DOCK3: variants seen among roughly 807,000 people sequenced by gnomAD.
DOCK3 encodes the protein dedicator of cytokinesis 3.
In DOCK3, 60 loss-of-function variants were observed where a neutral mutation model predicts 265.6. The ratio of observed to expected loss-of-function variants is 0.23; its 90% CI spans 0.18 to 0.28. DOCK3 has a LOEUF of 0.28. Among genes scored for constraint, DOCK3 ranks in the 10% least tolerant of loss-of-function variants. The pLI, the probability that DOCK3 is intolerant of heterozygous loss-of-function variation, is 1.00. For missense variants in DOCK3, 1,981 were observed against 2,594.3 expected, an observed-to-expected ratio of 0.76 and a Z score of 5.14; for synonymous variants, 881 against 938.0, an observed-to-expected ratio of 0.94 and a Z score of 1.11.
chr3:50,877,360 A>G (rs2047754275), intron 3 of DOCK3: 3 of 499,824 alleles, frequency 6.0e-6, no homozygotes, highest in East Asian at 5.5e-5. Context: ...TTGTACTAGT[A>G]TCTTCATCAT....
chr3:51,026,239 G>GT (rs1025505699), intron 5 of DOCK3, among the ~76,000 whole-genome samples: 130 of 151,196 alleles, frequency 8.6e-4, no homozygotes, highest in African/African-American at 2.7e-3. Context: ...ATGGTCATAT[G>GT]TTTTTTTTTG....
At chr3:51,089,325 T>A in intron 8 of DOCK3, 41 bp downstream of exon 8, 1 of 1,589,588 alleles carries the variant, frequency 6.3e-7, no homozygotes, top group Non-Finnish European at 8.6e-7. Context: ...TCCCCTCAAC[T>A]TTTTCTGTTA....
At chr3:51,159,032 A>G (rs1022010514) in intron 10 of DOCK3, among the ~76,000 whole-genome samples, 4 of 152,238 alleles carry the variant, frequency 2.6e-5, no homozygotes, top group Non-Finnish European at 5.9e-5. Flanking sequence ...TGAGAGCTGG[A>G]AAAATGTTGT....
Position 51,228,758 on chromosome 3 carries a change from T to C in DOCK3, c.1745T>C (p.Leu582Pro), listed in dbSNP as rs748067028. 6 of 1,613,868 alleles carry C rather than the reference T, an allele frequency of 3.7e-6. No individual in the cohort carries two copies. In the African/African-American group the frequency reaches 8.0e-5, roughly 22 times the overall value. Residue 582 changes from leucine (L) to proline (P), a missense_variant, in exon 18 of 53, where the codon CTC becomes CCC. This residue lies in a region of DOCK3 where 1,357 missense variants were observed against 1,866.8 expected (regional missense o/e 0.73). Transcript: ENST00000266037. The part of the protein sequence containing the change: ...YNGCPNIPSS[L>P]IFQRSTKESF... ...GGCTGCCCTAATATTCCTTCTAGCCTCATCTTCCAGCGCAGCACCAAAGAG... is the reference window on the plus strand; with the variant it reads ...GGCTGCCCTAATATTCCTTCTAGCCCCATCTTCCAGCGCAGCACCAAAGAG...
At chr3:51,006,426 T>C (rs2078681183) in intron 5 of DOCK3, among the ~76,000 whole-genome samples, 1 of 152,188 alleles carries the variant, frequency 6.6e-6, no homozygotes, top group Non-Finnish European at 1.5e-5. Context: ...GTAGATCCCA[T>C]TGATACTTCA....
chr3:50,990,581 A>G (rs1204078378), intron 5 of DOCK3, among the ~76,000 whole-genome samples: 1 of 152,170 alleles, frequency 6.6e-6, no homozygotes, highest in African/African-American at 2.4e-5. Flanking sequence ...GAGGGACAAA[A>G]CTAATGGGAT....
chr3:50,719,933 G>A (rs559878602), intron 1 of DOCK3: 28 of 527,594 alleles, frequency 5.3e-5, no homozygotes, highest in Middle Eastern at 5.6e-4. Flanking sequence ...GCCCAAGGGC[G>A]TACCGTCCAC....
At chr3:51,108,477 A>G (rs1466284883) in intron 9 of DOCK3, among the ~76,000 whole-genome samples, 1 of 152,200 alleles carries the variant, frequency 6.6e-6, no homozygotes, top group Non-Finnish European at 1.5e-5. Flanking sequence ...AAGCAGCCAC[A>G]CAAGTTAGCA....
chr3:50,838,250 A>G (rs1439126579), intron 2 of DOCK3, among the ~76,000 whole-genome samples: 2 of 152,110 alleles, frequency 1.3e-5, no homozygotes. Context: ...CCAATAGAGA[A>G]CTTTTGGAGG....
chr3:50,959,156 G>C (rs1209051035), intron 5 of DOCK3, among the ~76,000 whole-genome samples: 1 of 152,078 alleles, frequency 6.6e-6, no homozygotes, highest in Non-Finnish European at 1.5e-5. Context: ...GTAATATACT[G>C]TGCAGACTTT....
chr3:51,365,407 A>T (rs2087069726), intron 49 of DOCK3, among the ~76,000 whole-genome samples: 1 of 152,216 alleles, frequency 6.6e-6, no homozygotes, highest in African/African-American at 2.4e-5. Flanking sequence ...GGGGTTTTCT[A>T]AATATACAAT....
At chr3:50,827,102 C>G (rs2044803711) in intron 2 of DOCK3, among the ~76,000 whole-genome samples, 2 of 152,114 alleles carry the variant, frequency 1.3e-5, no homozygotes, top group South Asian at 4.1e-4. Context: ...AACAAGCATT[C>G]AACTACAGGA....
rs564217504 is a variant in DOCK3 at position 51,275,354 on chromosome 3, G to A, written c.2676+148G>A. The stretch of plus-strand genomic sequence containing the variant: ...ACAGGAAGGTGCCCAAGTGAATGGA[G>A]CCCTGTGTGTTCCCAGCAGGTTTGT... On this transcript the variant is annotated intron_variant, in intron 25 of 52. Transcript: ENST00000266037. 4.2e-4 allele frequency: 518 copies of A among 1,232,362 alleles called. 7 individuals carry two copies. In the South Asian group the frequency reaches 7.0e-3, roughly 17 times the overall value. 76.3% of individuals were successfully genotyped at this position (1,232,362 alleles called of 1,614,324 possible). A position where few individuals can be genotyped will look rare whatever the true frequency, so the allele number is the denominator to read the frequency against.
chr3:51,248,994 G>T (rs1244561773), intron 22 of DOCK3, among the ~76,000 whole-genome samples: 1 of 147,598 alleles, frequency 6.8e-6, no homozygotes, highest in African/African-American at 2.5e-5. Flanking sequence ...CTCTCCGCCC[G>T]GCAGCCGCCC....
At chr3:50,751,956 C>A (rs2039841815) in intron 1 of DOCK3, among the ~76,000 whole-genome samples, 2 of 152,008 alleles carry the variant, frequency 1.3e-5, no homozygotes, top group African/African-American at 4.8e-5. Flanking sequence ...GGGAAGCCAC[C>A]CCCATGATCC....
chr3:50,822,282 T>C (rs1471213120), intron 2 of DOCK3, among the ~76,000 whole-genome samples: 1 of 152,180 alleles, frequency 6.6e-6, no homozygotes, highest in Non-Finnish European at 1.5e-5. Flanking sequence ...GTAAGTGGGA[T>C]TGTGTTCTTG....
At position 51,280,143 on chromosome 3, in the gene DOCK3, A is replaced by G. The variant is rs1182070980; in HGVS notation, c.2861A>G (p.Gln954Arg). The change falls in exon 27 of 53, where the codon CAG (glutamine) becomes CGG (arginine). Residue 954 changes from glutamine to arginine, a missense_variant. Coordinates refer to ENST00000266037, the MANE Select transcript of DOCK3 (RefSeq NM_004947.5). Reference sequence around the variant, plus strand: ...TCCTGCCTTCTCTCACTGCTCCGCCAGATGTGTGACACCCATTTCCAGCAC... The same window carrying G: ...TCCTGCCTTCTCTCACTGCTCCGCCGGATGTGTGACACCCATTTCCAGCAC... Reference protein sequence around the residue: ...YVSCLLSLLRQMCDTHFQHLL... With the variant: ...YVSCLLSLLRRMCDTHFQHLL... 1.9e-6 allele frequency: 3 copies of G among 1,613,866 alleles called. No individual in the cohort carries two copies. Among genetic ancestry groups the G allele is most frequent in the Non-Finnish European group, 2.5e-6 (3 of 1,179,844 alleles).
At chr3:51,152,845 T>C (rs1043541750) in intron 10 of DOCK3, among the ~76,000 whole-genome samples, 3 of 152,180 alleles carry the variant, frequency 2.0e-5, no homozygotes, top group African/African-American at 7.2e-5. Flanking sequence ...ACAGCAAATA[T>C]TGCTGCCTGA....
intron 5 of DOCK3, among the ~76,000 whole-genome samples, chr3:50,988,344 C>G (rs145240141): frequency 2.0e-5 from 3 of 152,192 alleles, no homozygotes; most frequent in East Asian, 1.9e-4. Flanking sequence ...GACCACCCCC[C>G]CACAACCCCT....
Sources: allele counts gnomAD v4.1 joint callset (sites outside exome capture counted in the v4.1 genomes callset), GRCh38; gene constraint gnomAD v4.1.1; regional missense constraint gnomAD v4.1.1; transcripts MANE v1.5; gene names NCBI Gene and HGNC (gene_info 2026-07-23, HGNC 2026-07-21).